Variants in ANKS1B observed in about 807,000 individuals in gnomAD.
The protein encoded by ANKS1B is ankyrin repeat and sterile alpha motif domain-containing protein 1B.
ANKS1B carries 36 observed loss-of-function variants against 148.3 expected under a neutral mutation model. The ratio of observed to expected loss-of-function variants is 0.24; its 90% CI spans 0.19 to 0.32. The LOEUF is 0.32. Ranked by LOEUF, ANKS1B falls within the 10% of genes least tolerant of loss-of-function variation. ANKS1B has a pLI of 1.00. For missense variants in ANKS1B, 1,157 were observed against 1,542.6 expected (o/e 0.75, Z 4.19); for synonymous variants, 542 against 560.8 (o/e 0.97, Z 0.47).
At chr12:98,846,816 T>C (rs1257807150) in intron 17 of ANKS1B, among the ~76,000 whole-genome samples, 1 of 152,212 alleles carries the variant, frequency 6.6e-6, no homozygotes, top group Non-Finnish European at 1.5e-5. Flanking sequence ...AAAAGAACAA[T>C]TAACGGCAAC....
chr12:99,140,294 G>C (rs1394325787), intron 15 of ANKS1B, among the ~76,000 whole-genome samples: 1 of 152,184 alleles, frequency 6.6e-6, no homozygotes, highest in Non-Finnish European at 1.5e-5. Flanking sequence ...TGGTGAGTAA[G>C]AGTAAATTAA....
chr12:99,594,558 T>C (rs1348721151), intron 9 of ANKS1B, among the ~76,000 whole-genome samples: 1 of 151,984 alleles, frequency 6.6e-6, no homozygotes, highest in East Asian at 1.9e-4. Context: ...AAGTAAATCC[T>C]GCAATATGTG....
intron 15 of ANKS1B, among the ~76,000 whole-genome samples, chr12:99,103,117 C>A (rs2058373269): frequency 6.6e-6 from 1 of 152,024 alleles, no homozygotes; most frequent in Non-Finnish European, 1.5e-5. Context: ...GATAAAGGGC[C>A]TGGAAGAGGG....
exon 10 of ANKS1B, chr12:98,734,861 A>C (rs2097767063): frequency 3.9e-6 from 1 of 255,844 alleles, no homozygotes; most frequent in Non-Finnish European, 7.3e-6. Flanking sequence ...CAGAGTATAA[A>C]GTATTACCTT....
At chr12:99,413,620 T>C (rs1323140874) in intron 11 of ANKS1B, among the ~76,000 whole-genome samples, 1 of 152,256 alleles carries the variant, frequency 6.6e-6, no homozygotes, top group African/African-American at 2.4e-5. Context: ...ACATTTTTTA[T>C]AAGAGAAAGG....
intron 15 of ANKS1B, among the ~76,000 whole-genome samples, chr12:99,153,026 A>G (rs2153821072): frequency 6.6e-6 from 1 of 152,266 alleles, no homozygotes; most frequent in African/African-American, 2.4e-5. Context: ...AGCTGCATAT[A>G]TCAGTATAAA....
At chr12:99,564,247 A>C (rs563059785) in intron 9 of ANKS1B, among the ~76,000 whole-genome samples, 1 of 152,252 alleles carries the variant, frequency 6.6e-6, no homozygotes, top group South Asian at 2.1e-4. Context: ...AAAGCTAAAA[A>C]CTGGATACAC....
At chr12:99,372,681 C>T (rs2093203909) in intron 12 of ANKS1B, among the ~76,000 whole-genome samples, 2 of 152,122 alleles carry the variant, frequency 1.3e-5, no homozygotes, top group Non-Finnish European at 2.9e-5. Flanking sequence ...CATCCATACA[C>T]ACACTCACGC....
chr12:98,828,339 C>G (rs906016157), intron 19 of ANKS1B, among the ~76,000 whole-genome samples: 1 of 152,240 alleles, frequency 6.6e-6, no homozygotes, highest in Non-Finnish European at 1.5e-5. Context: ...ATTTAACAAC[C>G]AAGGCAAAGC....
chr12:99,618,925 G>C (rs577395178), intron 9 of ANKS1B, among the ~76,000 whole-genome samples: 34 of 152,222 alleles, frequency 2.2e-4, no homozygotes, highest in African/African-American at 7.9e-4. Context: ...GCTGTGAAAA[G>C]CACCTCAGTA....
intron 12 of ANKS1B, among the ~76,000 whole-genome samples, chr12:99,398,305 G>C (rs2094309014): frequency 6.6e-6 from 1 of 151,998 alleles, no homozygotes; most frequent in Non-Finnish European, 1.5e-5. Flanking sequence ...GAATGTTTGT[G>C]TTAGTGCTTT....
chr12:98,861,123 A>G lies in ANKS1B; in HGVS notation c.2779-28987T>C, dbSNP rs548097892. 2.5e-4 allele frequency among the ~76,000 whole-genome samples: 38 copies of G among 152,316 alleles called. 1 individual carries two copies. The highest frequency in any genetic ancestry group is 8.4e-4 in the African/African-American group (35 of 41,570). On this transcript the variant is annotated intron_variant, in intron 17 of 26. Transcript: ENST00000683438. ...GGCGGGAAGGACCCCAAACTTCCATACAAGAGTCTCTTAAGGTAAAATTAA... is the reference window on the plus strand; with the variant it reads ...GGCGGGAAGGACCCCAAACTTCCATGCAAGAGTCTCTTAAGGTAAAATTAA...
chr12:99,829,821 T>C (rs577271092), intron 1 of ANKS1B, among the ~76,000 whole-genome samples: 3 of 152,036 alleles, frequency 2.0e-5, no homozygotes, highest in East Asian at 1.9e-4. Flanking sequence ...CAGAGTGAGA[T>C]TCGGTCTCAA....
At chr12:99,811,291 C>T (rs1333680305) in intron 3 of ANKS1B, among the ~76,000 whole-genome samples, 1 of 151,870 alleles carries the variant, frequency 6.6e-6, no homozygotes, top group African/African-American at 2.4e-5. Flanking sequence ...ATTAGATATG[C>T]TTGCCCTAAA....
chr12:99,466,257 C>T, intron 10 of ANKS1B, among the ~76,000 whole-genome samples: 1 of 152,154 alleles, frequency 6.6e-6, no homozygotes, highest in East Asian at 1.9e-4. Context: ...AAAGACACAA[C>T]ATACCAGAAT....
At chr12:99,237,577 T>C (rs979728512) in intron 14 of ANKS1B, among the ~76,000 whole-genome samples, 4 of 152,196 alleles carry the variant, frequency 2.6e-5, no homozygotes, top group Admixed American at 6.5e-5. Flanking sequence ...TGCCAAGTAT[T>C]ATGGGATACA....
At chr12:99,566,865 G>A (rs1047062252) in intron 9 of ANKS1B, among the ~76,000 whole-genome samples, 1 of 152,136 alleles carries the variant, frequency 6.6e-6, no homozygotes, top group Admixed American at 6.5e-5. Context: ...TAAGACATAG[G>A]CTTCCTCTAT....
At chr12:99,543,724 A>G (rs1291749745) in intron 9 of ANKS1B, among the ~76,000 whole-genome samples, 1 of 152,142 alleles carries the variant, frequency 6.6e-6, no homozygotes, top group African/African-American at 2.4e-5. Flanking sequence ...CTTTAAAAAC[A>G]TTATGCTAAG....
intron 9 of ANKS1B, among the ~76,000 whole-genome samples, chr12:99,599,075 T>G (rs189505697): frequency 2.6e-5 from 4 of 152,074 alleles, no homozygotes; most frequent in Non-Finnish European, 4.4e-5. Context: ...TGTAAAGATC[T>G]CCCTCTGTCT....
Sources: gnomAD v4.1 joint callset for allele counts (sites outside exome capture counted in the v4.1 genomes callset) on GRCh38, gnomAD v4.1.1 for gene constraint, MANE v1.5 for transcripts, NCBI Gene and HGNC (gene_info 2026-07-23, HGNC 2026-07-21) for gene names.